Variants in ANKS1B observed in about 807,000 individuals in gnomAD.
ANKS1B encodes ankyrin repeat and sterile alpha motif domain containing 1B.
In ANKS1B, 36 loss-of-function variants were observed where a neutral mutation model predicts 148.3. The ratio of observed to expected loss-of-function variants is 0.24; its 90% CI spans 0.19 to 0.32. The LOEUF (loss-of-function observed/expected upper bound fraction) is 0.32, where lower values mean the gene tolerates loss of function less well. ANKS1B is among the 10% of genes least tolerant of loss of function. The pLI, the probability that ANKS1B is intolerant of heterozygous loss-of-function variation, is 1.00. For synonymous variants in ANKS1B, 542 were observed against 560.8 expected (o/e 0.97, Z 0.47); for missense variants, 1,157 against 1,542.6 (o/e 0.75, Z 4.19).
At chr12:99,426,183 C>T (rs1234786134) in intron 11 of ANKS1B, among the ~76,000 whole-genome samples, 1 of 149,756 alleles carries the variant, frequency 6.7e-6, no homozygotes, top group Non-Finnish European at 1.5e-5. Flanking sequence ...GAGTGCATTG[C>T]CTAATGTCTG....
intron 8 of ANKS1B, among the ~76,000 whole-genome samples, chr12:99,661,734 C>T (rs1255186027): frequency 6.6e-6 from 1 of 152,134 alleles, no homozygotes; most frequent in Non-Finnish European, 1.5e-5. Flanking sequence ...TTCTTTTATT[C>T]TTGTATGGTA....
At chr12:99,338,024 G>A (rs1841059770) in intron 12 of ANKS1B, among the ~76,000 whole-genome samples, 1 of 152,124 alleles carries the variant, frequency 6.6e-6, no homozygotes, top group Non-Finnish European at 1.5e-5. Context: ...GGTGACCACT[G>A]CCTGACTACT....
At chr12:99,495,789 A>G (rs1012748497) in intron 10 of ANKS1B, among the ~76,000 whole-genome samples, 1 of 152,228 alleles carries the variant, frequency 6.6e-6, no homozygotes, top group Non-Finnish European at 1.5e-5. Context: ...AGAGATAAAC[A>G]TTTGTTCTAG....
Position 99,486,101 on chromosome 12 carries a change from G to GT in ANKS1B, c.1438+18374dup, listed in dbSNP as rs539374876. 2.9e-3 allele frequency among the ~76,000 whole-genome samples: 435 copies of GT among 152,194 alleles called. 2 individuals carry two copies. Among genetic ancestry groups the GT allele is most frequent in the African/African-American group, 9.9e-3 (410 of 41,514 alleles). ...TCTTTCAGAGATGTTATAGAATCCT[G>GT]TTTTGTCATATTACCAGAGTTACCT... On this transcript the variant is annotated intron_variant, in intron 10 of 26. Transcript: ENST00000683438.
chr12:99,798,069 C>G (rs1429067972), intron 4 of ANKS1B, among the ~76,000 whole-genome samples: 1 of 151,926 alleles, frequency 6.6e-6, no homozygotes, highest in Non-Finnish European at 1.5e-5. Context: ...AAAAGGGATG[C>G]AAAGATGTCA....
At chr12:98,775,913 T>C (rs890489826) in intron 24 of ANKS1B, among the ~76,000 whole-genome samples, 1 of 152,260 alleles carries the variant, frequency 6.6e-6, no homozygotes, top group Admixed American at 6.5e-5. Context: ...GGAAAGCTCA[T>C]GCTAGTTAAA....
chr12:99,554,034 G>T (rs2080252205), intron 9 of ANKS1B, among the ~76,000 whole-genome samples: 1 of 152,152 alleles, frequency 6.6e-6, no homozygotes, highest in Admixed American at 6.5e-5. Context: ...GAGAAAAACT[G>T]CCTGTGGGTG....
At chr12:99,585,272 A>C (rs954962853) in intron 9 of ANKS1B, among the ~76,000 whole-genome samples, 8 of 152,158 alleles carry the variant, frequency 5.3e-5, no homozygotes, top group Non-Finnish European at 1.0e-4. Flanking sequence ...AAAATCCAGC[A>C]GGGCAGTAAA....
chr12:99,137,970 A>T (rs1285859273), intron 15 of ANKS1B, among the ~76,000 whole-genome samples: 2 of 152,170 alleles, frequency 1.3e-5, no homozygotes, highest in East Asian at 3.9e-4. Context: ...TTTGAAAATA[A>T]TTAAAATTGT....
chr12:99,445,532 G>A (rs2095622668), intron 10 of ANKS1B, among the ~76,000 whole-genome samples: 1 of 151,960 alleles, frequency 6.6e-6, no homozygotes, highest in African/African-American at 2.4e-5. Flanking sequence ...TGTCCATGTA[G>A]TTTCATCAAT....
intron 15 of ANKS1B, among the ~76,000 whole-genome samples, chr12:99,124,138 A>G (rs1336847473): frequency 6.6e-6 from 1 of 152,140 alleles, no homozygotes; most frequent in Non-Finnish European, 1.5e-5. Flanking sequence ...TTTAGGAAAA[A>G]TTGCTTTGGA....
intron 12 of ANKS1B, among the ~76,000 whole-genome samples, chr12:99,340,713 A>G (rs2152328120): frequency 6.6e-6 from 1 of 152,166 alleles, no homozygotes; most frequent in Admixed American, 6.6e-5. Flanking sequence ...TGACTATATT[A>G]CCAATTACCT....
chr12:99,575,440 C>A (rs2097506819), intron 9 of ANKS1B, among the ~76,000 whole-genome samples: 1 of 152,052 alleles, frequency 6.6e-6, no homozygotes, highest in South Asian at 2.1e-4. Context: ...TGTTTTCACA[C>A]TGCTAATAAA....
At chr12:99,619,451 G>A (rs1370345625) in intron 9 of ANKS1B, among the ~76,000 whole-genome samples, 1 of 151,890 alleles carries the variant, frequency 6.6e-6, no homozygotes, top group Non-Finnish European at 1.5e-5. Context: ...CTGGGTACAG[G>A]AGGCTCTCTC....
At chr12:98,987,710 C>T (rs2099924283) in intron 17 of ANKS1B, among the ~76,000 whole-genome samples, 1 of 152,050 alleles carries the variant, frequency 6.6e-6, no homozygotes, top group South Asian at 2.1e-4. Flanking sequence ...CAAACAAAGA[C>T]TATTAGCTCT....
intron 8 of ANKS1B, among the ~76,000 whole-genome samples, chr12:99,755,435 A>T (rs1216103578): frequency 1.3e-5 from 2 of 152,076 alleles, no homozygotes; most frequent in Non-Finnish European, 2.9e-5. Flanking sequence ...AACCAGTACC[A>T]TTCCTACTGA....
intron 1 of ANKS1B, 144 bp from the exon 2 acceptor site, chr12:99,825,533 A>T: frequency 1.7e-6 from 1 of 603,454 alleles, no homozygotes; most frequent in Non-Finnish European, 3.0e-6. Flanking sequence ...ATCTTCTATG[A>T]ATTCCCCTCA....
chr12:99,621,599 T>G (rs752862942), intron 9 of ANKS1B, among the ~76,000 whole-genome samples: 1 of 151,628 alleles, frequency 6.6e-6, no homozygotes, highest in Non-Finnish European at 1.5e-5. Flanking sequence ...AGAGCAAGGG[T>G]CACTGTCTTT....
intron 1 of ANKS1B, among the ~76,000 whole-genome samples, chr12:99,973,332 CA>C (rs1318204598): frequency 1.3e-4 from 20 of 152,234 alleles, no homozygotes; most frequent in Non-Finnish European, 2.4e-4. Flanking sequence ...GTAATCCCAA[CA>C]CTTTGGGAGG....
Sources: gnomAD v4.1 joint callset for allele counts (sites outside exome capture counted in the v4.1 genomes callset) on GRCh38, gnomAD v4.1.1 for gene constraint, MANE v1.5 for transcripts, NCBI Gene and HGNC (gene_info 2026-07-23, HGNC 2026-07-21) for gene names.